KCNN3: variants seen among roughly 807,000 people sequenced by gnomAD.
KCNN3 encodes the protein small conductance calcium-activated potassium channel protein 3.
In KCNN3, 16 loss-of-function variants were observed where a neutral mutation model predicts 62.9. The ratio of observed to expected loss-of-function variants is 0.25; its 90% CI spans 0.17 to 0.39. The LOEUF is 0.39. Among genes scored for constraint, KCNN3 ranks in the 10% least tolerant of loss-of-function variants. The pLI is 1.00. For synonymous variants in KCNN3, 370 were observed against 389.2 expected (o/e 0.95, Z 0.58); for missense variants, 599 against 949.4 (o/e 0.63, Z 4.85).
chr1:154,732,174 C>T (rs1165487956), intron 4 of KCNN3, among the ~76,000 whole-genome samples: 1 of 152,238 alleles, frequency 6.6e-6, no homozygotes, highest in Non-Finnish European at 1.5e-5. Context: ...GGAGGATGCT[C>T]AGGTCCAATA....
chr1:154,841,259 A>T (rs928364960), intron 1 of KCNN3, among the ~76,000 whole-genome samples: 1 of 152,216 alleles, frequency 6.6e-6, no homozygotes, highest in Non-Finnish European at 1.5e-5. Context: ...GAACACTGAA[A>T]TAATCACCTC....
At chr1:154,759,402 A>G (rs1647897718) in intron 3 of KCNN3, among the ~76,000 whole-genome samples, 1 of 152,234 alleles carries the variant, frequency 6.6e-6, no homozygotes, top group South Asian at 2.1e-4. Context: ...AGGATGGAAA[A>G]GCTGACAGAA....
rs574756265 is a variant in KCNN3 at position 154,837,539 on chromosome 1, G to A, written c.934-15355C>T. Among the ~76,000 whole-genome samples, 5 of 152,230 alleles carry A rather than the reference G, an allele frequency of 3.3e-5. No homozygotes were observed. The South Asian group carries it at 6.2e-4, about 19-fold the overall frequency. On this transcript the variant is annotated intron_variant, in intron 1 of 7. Coordinates refer to ENST00000271915, the MANE Select transcript of KCNN3 (RefSeq NM_002249.6). ...CTCACCCTGGAGGAGCTCTGGGCCC[G>A]AGAGCACAGAAGCTAGGAAGGCAGC...
chr1:154,792,950 A>G (rs1649579631), intron 2 of KCNN3, among the ~76,000 whole-genome samples: 2 of 151,614 alleles, frequency 1.3e-5, no homozygotes, highest in Non-Finnish European at 1.5e-5. Flanking sequence ...GTATTTCCCC[A>G]CCCTTTTCAT....
At chr1:154,754,801 C>G (rs548992749) in intron 3 of KCNN3, among the ~76,000 whole-genome samples, 1 of 152,166 alleles carries the variant, frequency 6.6e-6, no homozygotes, top group Non-Finnish European at 1.5e-5. Context: ...TTTGTTTAAG[C>G]TATTGTTGTT....
intron 4 of KCNN3, among the ~76,000 whole-genome samples, chr1:154,730,834 G>T (rs7548954): frequency 1.3e-5 from 2 of 152,118 alleles, no homozygotes; most frequent in Non-Finnish European, 2.9e-5. Flanking sequence ...GGAACAGAAC[G>T]CTCTCTCTGG....
chr1:154,758,052 T>A (rs1206640538), intron 3 of KCNN3, among the ~76,000 whole-genome samples: 1 of 152,192 alleles, frequency 6.6e-6, no homozygotes, highest in Admixed American at 6.5e-5. Flanking sequence ...GTACTTGAAC[T>A]TCTTTCGTGC....
chr1:154,856,353 A>G (rs1652525482), intron 1 of KCNN3, among the ~76,000 whole-genome samples: 1 of 152,122 alleles, frequency 6.6e-6, no homozygotes, highest in Non-Finnish European at 1.5e-5. Context: ...ATAGGAAGAT[A>G]ACGCCCCCCG....
intron 1 of KCNN3, among the ~76,000 whole-genome samples, chr1:154,846,212 C>T (rs1346787000): frequency 1.3e-5 from 2 of 152,202 alleles, no homozygotes; most frequent in African/African-American, 4.8e-5. Context: ...CAGCCAGAAC[C>T]CACAGCAGTT....
intron 3 of KCNN3, among the ~76,000 whole-genome samples, chr1:154,747,747 T>C (rs934659201): frequency 3.3e-5 from 5 of 151,964 alleles, no homozygotes; most frequent in Non-Finnish European, 7.4e-5. Context: ...GATAGAAGAG[T>C]CATTCCAAAA....
chr1:154,737,281 G>A (rs1219241797), intron 3 of KCNN3, among the ~76,000 whole-genome samples: 4 of 152,060 alleles, frequency 2.6e-5, no homozygotes, highest in Non-Finnish European at 5.9e-5. Context: ...TGAGCTCAAG[G>A]GTAGTTATTA....
At chr1:154,785,587 T>C (rs1411998793) in intron 2 of KCNN3, among the ~76,000 whole-genome samples, 1 of 144,568 alleles carries the variant, frequency 6.9e-6, no homozygotes, top group Non-Finnish European at 1.5e-5. Flanking sequence ...TTTTTTTTTT[T>C]TTTTTTTTTT....
Position 154,702,312 on chromosome 1 carries a change from TTATAA to T in KCNN3, c.*5659_*5663del, listed in dbSNP as rs995638484. On this transcript the variant is annotated 3_prime_UTR_variant, in exon 8 of 8. Coordinates refer to ENST00000271915, the MANE Select transcript of KCNN3 (RefSeq NM_002249.6). ...TGTTAATTGAAAGTTACAATATATT[TTATAA>T]TATATCAATATATTTCATATTTAAA... 1.3e-5 allele frequency: 2 copies of T among 152,110 alleles called. No individual in the cohort carries two copies. The allele number at this position is 152,110 out of a possible 1,614,324, so 9.4% of individuals were successfully genotyped here.
chr1:154,839,939 A>G (rs545827248), intron 1 of KCNN3, among the ~76,000 whole-genome samples: 4 of 152,362 alleles, frequency 2.6e-5, no homozygotes, highest in African/African-American at 9.6e-5. Flanking sequence ...AGAGGCCTGC[A>G]GAGCAGGGGC....
rs891455837 is a variant in KCNN3 at position 154,870,280 on chromosome 1, A to G, written c.-316T>C. On this transcript the variant is annotated 5_prime_UTR_variant, in exon 1 of 8. Transcript: ENST00000271915. ...CTCAGCTTCACTCCTCGCTGGCTCAATAGCTTCGCTCGCCTCCTCCTGCCA... is the reference window on the plus strand; with the variant it reads ...CTCAGCTTCACTCCTCGCTGGCTCAGTAGCTTCGCTCGCCTCCTCCTGCCA... The G allele has an allele frequency of 2.5e-5, 13 of 518,132 alleles. No homozygotes were observed. The highest frequency in any genetic ancestry group is 3.8e-5 in the African/African-American group (2 of 52,426). The allele number at this position is 518,132 out of a possible 1,614,324, so 32.1% of individuals were successfully genotyped here.
At chr1:154,771,509 T>C (rs1648557651) in intron 3 of KCNN3, among the ~76,000 whole-genome samples, 1 of 152,176 alleles carries the variant, frequency 6.6e-6, no homozygotes, top group Non-Finnish European at 1.5e-5. Flanking sequence ...AACCAAACTT[T>C]GAGTAGCAAG....
At position 154,703,536 on chromosome 1, in the gene KCNN3, C is replaced by T. The variant is rs1307203173; in HGVS notation, c.*4440G>A. 6.6e-6 allele frequency: 1 copy of T among 152,162 alleles called. No individual in the cohort carries two copies. Among genetic ancestry groups the T allele is most frequent in the African/African-American group, 2.4e-5 (1 of 41,418 alleles). The allele number at this position is 152,162 out of a possible 1,614,324, so 9.4% of individuals were successfully genotyped here. A position where few individuals can be genotyped will look rare whatever the true frequency, so the allele number is the denominator to read the frequency against. ...ATATTTTAGGATTTAAAAACAGTAA[C>T]TTCAAAAGAGTAGTAACCTACTGGT... On this transcript the variant is annotated 3_prime_UTR_variant, in exon 8 of 8. Coordinates refer to ENST00000271915, the MANE Select transcript of KCNN3 (RefSeq NM_002249.6).
intron 3 of KCNN3, among the ~76,000 whole-genome samples, chr1:154,755,713 GA>G (rs1647637246): frequency 6.6e-6 from 1 of 150,528 alleles, no homozygotes; most frequent in Admixed American, 6.6e-5. Flanking sequence ...AGAAGAGGAA[GA>G]GGAAGAAGGA....
intron 5 of KCNN3, among the ~76,000 whole-genome samples, chr1:154,718,190 C>G (rs1233375343): frequency 2.6e-5 from 4 of 152,158 alleles, no homozygotes; most frequent in Non-Finnish European, 1.5e-5. Flanking sequence ...GGAGAGGACC[C>G]TTTGTGAATG....
Sources: gnomAD v4.1 joint callset for allele counts (sites outside exome capture counted in the v4.1 genomes callset) on GRCh38, gnomAD v4.1.1 for gene constraint, MANE v1.5 for transcripts, NCBI Gene and HGNC (gene_info 2026-07-23, HGNC 2026-07-21) for gene names.